The following CFAP74 variants were observed in gnomAD, a reference collection of about 807,000 sequenced individuals.
The protein encoded by CFAP74 is cilia and flagella associated protein 74.
Under a neutral mutation model 188.9 loss-of-function variants are expected in CFAP74, and 124 were observed. That is an observed-to-expected ratio of 0.66 (90% CI 0.57 to 0.76). The LOEUF (loss-of-function observed/expected upper bound fraction) is 0.76. Ranked by LOEUF, CFAP74 falls within the 30% of genes least tolerant of loss-of-function variation. CFAP74 has a pLI of 0.00. For synonymous variants in CFAP74, 956 were observed against 916.7 expected (o/e 1.04, Z -0.77); for missense variants, 2,198 against 2,165.2 (o/e 1.02, Z -0.30).
At chr1:1,931,145 A>C (rs934882061) in intron 25 of CFAP74, among the ~76,000 whole-genome samples, 15 of 152,184 alleles carry the variant, frequency 9.9e-5, no homozygotes, top group Non-Finnish European at 1.2e-4. Context: ...AAATTCTTTA[A>C]AAAGGCTGGC....
intron 18 of CFAP74, among the ~76,000 whole-genome samples, chr1:1,948,029 T>C (rs146327267): frequency 0.016 from 2,368 of 152,248 alleles, 29 homozygotes; most frequent in Non-Finnish European, 0.026. Flanking sequence ...CCTGCCATCA[T>C]GCCTGGCTAA....
At chr1:1,944,597 C>A in intron 20 of CFAP74, 145 bp from the exon 21 acceptor site, 1 of 800,078 alleles carries the variant, frequency 1.2e-6, no homozygotes, top group South Asian at 1.8e-5. Flanking sequence ...CTTTTCATAT[C>A]ATATCATTCA....
chr1:1,957,702 G>C (rs948017471), intron 16 of CFAP74, among the ~76,000 whole-genome samples: 2 of 152,152 alleles, frequency 1.3e-5, no homozygotes, highest in African/African-American at 2.4e-5. Context: ...AGTGGAGCAG[G>C]CCAGTACCAG....
chr1:1,923,928 C>A lies in CFAP74; in HGVS notation c.4236G>T (p.Gly1412=), dbSNP rs745973410. 1.2e-6 allele frequency: 2 copies of A among 1,608,340 alleles called. No homozygotes were observed. The highest frequency in any genetic ancestry group is 1.7e-6 in the Non-Finnish European group (2 of 1,177,120). ...SSPSQRTEVV[G]TQNLNGQSVF... ...CGCTCTGACCGTTGAGATTCTGCGT[C>A]CCTGCGGGTAGGGTGGGGTGCAGTT... The change falls in exon 35 of 39, where the codon GGG becomes GGT. Residue 1412 remains glycine, a splice_region_variant and synonymous_variant. Transcript: ENST00000682832. This position sits in a 1 kb window ranked among gnomAD's most constrained non-coding sequence, Gnocchi z 6.3.
At position 1,935,139 on chromosome 1, in the gene CFAP74, A is replaced by G. The variant is rs368231790; in HGVS notation, c.3011+3716T>C. On this transcript the variant is annotated intron_variant, in intron 25 of 38. Coordinates refer to ENST00000682832, the MANE Select transcript of CFAP74 (RefSeq NM_001304360.2). ...TTAGGTTGTAGGTACACACGTGTGT[A>G]CGTGGGTGTTAGGTTGTAGGTACAC... is the stretch of plus-strand genomic sequence containing the variant. Among the ~76,000 whole-genome samples the G allele has an allele frequency of 3.0e-4, 23 of 76,946 alleles. 1 individual carries two copies. The highest frequency in any genetic ancestry group is 8.9e-3 in the Middle Eastern group (1 of 112). 50.5% of individuals were successfully genotyped at this position (76,946 alleles called of 152,430 possible).
At chr1:1,924,612 A>G (rs1038752575) in intron 33 of CFAP74, 92 bp from the exon 34 acceptor site, 48 of 1,428,690 alleles carry the variant, frequency 3.4e-5, no homozygotes, top group Non-Finnish European at 4.3e-5. Flanking sequence ...TGGTGCTATG[A>G]GGCCACACCC....
chr1:1,955,661 A>G (rs753351957), intron 18 of CFAP74, 30 bp downstream of exon 18: 2 of 1,602,274 alleles, frequency 1.2e-6, no homozygotes, highest in Non-Finnish European at 1.7e-6. Context: ...CCGCCCGCCC[A>G]CCCTGGCTTG....
chr1:1,970,990 A>G (rs527499357), intron 9 of CFAP74, among the ~76,000 whole-genome samples, 174 bp from the exon 10 acceptor site: 23 of 146,224 alleles, frequency 1.6e-4, no homozygotes, highest in East Asian at 9.7e-4. Flanking sequence ...ACACACGTGC[A>G]CACACACACG....
At position 1,925,805 on chromosome 1, in the gene CFAP74, T is replaced by C; in HGVS notation, c.4082A>G (p.Glu1361Gly). 6.2e-7 allele frequency: 1 copy of C among 1,612,526 alleles called. No homozygotes were observed. Among genetic ancestry groups the C allele is most frequent in the African/African-American group, 1.3e-5 (1 of 75,036 alleles). The change falls in exon 33 of 39, where the codon GAG becomes GGG. Residue 1361 changes from glutamate (E) to glycine (G), a missense_variant. Physicochemically the swap from Glu to Gly is moderately conservative, Grantham distance 98 (BLOSUM62 -2). Transcript: ENST00000682832. ...VLNMGYVIAG[E>G]SVSSGFKLQN... The stretch of plus-strand genomic sequence containing the variant: ...CACCTTGAAGCCTGAGGACACAGAC[T>C]CTCCGGCAATCACATAGCCCATGTT...
intron 1 of CFAP74, among the ~76,000 whole-genome samples, chr1:1,998,181 G>A (rs1268553068): frequency 3.9e-5 from 6 of 152,140 alleles, no homozygotes; most frequent in Non-Finnish European, 7.4e-5. Flanking sequence ...CGGAGGCTGA[G>A]GCAGAAGAAT....
In CFAP74 at chr1:1,925,867, C is replaced by T. The variant is rs137862830; in HGVS notation, c.4020G>A (p.Ala1340=). 4,738 of 1,612,694 alleles carry T rather than the reference C, an allele frequency of 2.9e-3. 18 individuals are homozygous for T. Among genetic ancestry groups the T allele is most frequent in the Non-Finnish European group, 3.6e-3 (4,246 of 1,179,914 alleles). ...LTLTLMGTGV[A]SMITCSIEGS... ...CTTCAATGGAGCACGTGATCATGGA[C>T]GCCACGCCAGTGCCCATGAGGGTGA... Residue 1340 remains alanine, a synonymous_variant, in exon 33 of 39, where the codon GCG becomes GCA. Coordinates refer to ENST00000682832, the MANE Select transcript of CFAP74 (RefSeq NM_001304360.2).
chr1:1,982,348 C>T (rs570284038), intron 6 of CFAP74, among the ~76,000 whole-genome samples: 4 of 151,658 alleles, frequency 2.6e-5, no homozygotes, highest in South Asian at 2.1e-4. Context: ...GACACCCAGC[C>T]GTGGTCACAC....
rs746701995 is a variant in CFAP74, at chr1:1,966,558, A to G, written c.1246-32T>C. On this transcript the variant is annotated intron_variant, in intron 11 of 38. Transcript: ENST00000682832. The stretch of plus-strand genomic sequence containing the variant: ...TCGGGGAGAGGAACATCGCAAAGAC[A>G]CGCTCATGACAGAGAACAGGGAAGA... 2.7e-6 allele frequency: 4 copies of G among 1,479,292 alleles called. No homozygotes were observed. The African/African-American group carries it at 4.3e-5, about 16-fold the overall frequency. 91.6% of individuals were successfully genotyped at this position (1,479,292 alleles called of 1,614,324 possible). A position where few individuals can be genotyped will look rare whatever the true frequency, so the allele number is the denominator to read the frequency against.
At position 1,928,792 on chromosome 1, in the gene CFAP74, T is replaced by C. The variant is rs1287119592; in HGVS notation, c.3379A>G (p.Thr1127Ala). The C allele has an allele frequency of 1.3e-6, 2 of 1,535,348 alleles. No individual in the cohort carries two copies. Among genetic ancestry groups the C allele is most frequent in the East Asian group, 4.9e-5 (2 of 40,896 alleles). ...ALPLLNKEME[T>A]KSFRKNMAPQ... ...TCCCGGGCCCCACGCACAGATTTGGTCTCCATTTCTTTGTTCAGGAGTGGG... is the reference window on the plus strand; with the variant it reads ...TCCCGGGCCCCACGCACAGATTTGGCCTCCATTTCTTTGTTCAGGAGTGGG... The change falls in exon 27 of 39, where the codon ACC (threonine) becomes GCC (alanine). Residue 1127 changes from threonine to alanine, a missense_variant. Physicochemically the swap from Thr to Ala is moderately conservative, Grantham distance 58 (BLOSUM62 0). Coordinates refer to ENST00000682832, the MANE Select transcript of CFAP74 (RefSeq NM_001304360.2).
At chr1:1,959,255 T>G in intron 15 of CFAP74, 46 bp from the exon 16 acceptor site, 1 of 1,334,266 alleles carries the variant, frequency 7.5e-7, no homozygotes, top group Non-Finnish European at 1.1e-6. Flanking sequence ...CTGCAACTTT[T>G]GTGTGTTTTG....
At chr1:1,970,988 GCA>G (rs138859689) in intron 9 of CFAP74, among the ~76,000 whole-genome samples, 172 bp from the exon 10 acceptor site, 1,579 of 147,892 alleles carry the variant, frequency 0.011, 27 homozygotes, top group East Asian at 0.081. Context: ...GCACACACGT[GCA>G]CACACACACG....
At chr1:1,960,123 G>A (rs1216800156) in intron 14 of CFAP74, 93 bp from the exon 15 acceptor site, 1 of 1,096,430 alleles carries the variant, frequency 9.1e-7, no homozygotes. Context: ...TGGGCCTCCT[G>A]GCCTCCTCCC....
rs546500802 is a variant in CFAP74, at chr1:1,924,584, C to T, written c.4105-64G>A. On this transcript the variant is annotated intron_variant, in intron 33 of 38. Transcript: ENST00000682832. ...TGCCTGGCTGCCCCCTTCCTGTCGT[C>T]GGTGCCCAGGACTTGGCTGGTGCTA... 1,034 of 1,538,108 alleles carry T rather than the reference C, an allele frequency of 6.7e-4. No homozygotes were observed. The African/African-American group carries it at 9.9e-3, about 15-fold the overall frequency.
chr1:1,963,051 G>A (rs147691298), intron 14 of CFAP74, among the ~76,000 whole-genome samples: 1 of 152,192 alleles, frequency 6.6e-6, no homozygotes, highest in African/African-American at 2.4e-5. Flanking sequence ...CTTAATTCAG[G>A]GAGGCAGTGC....
Sources: gnomAD v4.1 joint callset for allele counts (sites outside exome capture counted in the v4.1 genomes callset) on GRCh38, gnomAD v4.1.1 for gene constraint, Gnocchi (gnomAD v3.1) non-coding constraint, MANE v1.5 for transcripts, NCBI Gene and HGNC (gene_info 2026-07-23, HGNC 2026-07-21) for gene names.